Variants in ALMS1 observed in about 807,000 individuals in gnomAD.
ALMS1 encodes ALMS1 centrosome and basal body associated protein.
Under a neutral mutation model 352.2 loss-of-function variants are expected in ALMS1, and 271 were observed. That is an observed-to-expected ratio of 0.77 (90% CI 0.70 to 0.85). ALMS1 has a LOEUF of 0.85. ALMS1 is among the 40% of genes least tolerant of loss of function. The pLI is 0.00. For synonymous variants in ALMS1, 1,865 were observed against 1,761.2 expected (o/e 1.06, Z -1.48); for missense variants, 5,445 against 4,870.7 (o/e 1.12, Z -3.51).
rs199922877 is a variant in ALMS1, at chr2:73,449,619, C to G, written c.3092C>G (p.Thr1031Ser). 3.6e-4 allele frequency: 581 copies of G among 1,614,066 alleles called. 1 individual carries two copies. The highest frequency in any genetic ancestry group is 9.7e-4 in the South Asian group (88 of 91,070). The change falls in exon 8 of 23, where the codon ACT becomes AGT. Residue 1031 changes from threonine (T) to serine (S), a missense_variant. Physicochemically the swap from Thr to Ser is moderately conservative, Grantham distance 58. Transcript: ENST00000613296. ...ACTGAAAAGGCTCTGAAAGTTTCAA[C>G]TGGCCCTGGACCAGCTGACCAGAAG... ...YATEKALKVS[T>S]GPGPADQKTE...
chr2:73,483,095 T>C (rs1173303144), intron 9 of ALMS1, among the ~76,000 whole-genome samples: 1 of 148,428 alleles, frequency 6.7e-6, no homozygotes. Context: ...TGATTTTAGT[T>C]ATTTCTTGCC....
At chr2:73,387,685 A>T (rs1298090837) in intron 1 of ALMS1, among the ~76,000 whole-genome samples, 7 of 152,178 alleles carry the variant, frequency 4.6e-5, no homozygotes, top group African/African-American at 1.4e-4. Context: ...AAAATATTTG[A>T]AACGAGGGGA....
chr2:73,501,636 T>C (rs1478420822), intron 10 of ALMS1, among the ~76,000 whole-genome samples: 1 of 152,176 alleles, frequency 6.6e-6, no homozygotes, highest in Non-Finnish European at 1.5e-5. Flanking sequence ...GTTTCTACTC[T>C]GTTTCTTTGT....
At chr2:73,507,151 C>G (rs1451088938) in intron 10 of ALMS1, among the ~76,000 whole-genome samples, 1 of 151,956 alleles carries the variant, frequency 6.6e-6, no homozygotes, top group Non-Finnish European at 1.5e-5. Context: ...GGTGGATAAG[C>G]TTTTGAATGT....
At chr2:73,514,136 A>G (rs976954362) in intron 10 of ALMS1, among the ~76,000 whole-genome samples, 3 of 152,118 alleles carry the variant, frequency 2.0e-5, no homozygotes, top group Non-Finnish European at 2.9e-5. Flanking sequence ...TCACTTGTCA[A>G]TGTCATATGG....
At chr2:73,597,853 C>T (rs1196852583) in intron 16 of ALMS1, among the ~76,000 whole-genome samples, 5 of 151,944 alleles carry the variant, frequency 3.3e-5, no homozygotes, top group Non-Finnish European at 7.4e-5. Flanking sequence ...TTACAATTGC[C>T]CCTACTAAAC....
intron 9 of ALMS1, chr2:73,456,981 G>A (rs1672079183): frequency 6.6e-6 from 1 of 152,010 alleles, no homozygotes; most frequent in Non-Finnish European, 1.5e-5. Context: ...AAAATAAGGT[G>A]TCCTGAATTA....
At chr2:73,461,786 G>A (rs1194886688) in intron 9 of ALMS1, among the ~76,000 whole-genome samples, 4 of 152,194 alleles carry the variant, frequency 2.6e-5, no homozygotes, top group Non-Finnish European at 4.4e-5. Flanking sequence ...AAAAGCAAAG[G>A]CGCGAGAACC....
intron 7 of ALMS1, among the ~76,000 whole-genome samples, chr2:73,434,995 G>T (rs1671579809): frequency 6.6e-6 from 1 of 152,066 alleles, no homozygotes; most frequent in Non-Finnish European, 1.5e-5. Context: ...GTTATAAATT[G>T]TTCCTCCATA....
At chr2:73,445,370 A>G (rs1558646506) in intron 7 of ALMS1, among the ~76,000 whole-genome samples, 1 of 152,124 alleles carries the variant, frequency 6.6e-6, no homozygotes, top group South Asian at 2.1e-4. Flanking sequence ...TGTACCCATT[A>G]ACCATCCTCC....
chr2:73,503,825 T>G (rs1309277866), intron 10 of ALMS1, among the ~76,000 whole-genome samples: 2 of 152,310 alleles, frequency 1.3e-5, no homozygotes, highest in African/African-American at 4.8e-5. Flanking sequence ...AGGTTGTGGC[T>G]GTTAGGTACC....
At chr2:73,574,250 T>C (rs1483215084) in intron 16 of ALMS1, among the ~76,000 whole-genome samples, 1 of 152,136 alleles carries the variant, frequency 6.6e-6, no homozygotes, top group Non-Finnish European at 1.5e-5. Context: ...TTTAGGGTGT[T>C]AATAAGGGAG....
chr2:73,533,208 C>T (rs977737443), intron 11 of ALMS1, among the ~76,000 whole-genome samples: 9 of 152,220 alleles, frequency 5.9e-5, no homozygotes, highest in Non-Finnish European at 1.5e-5. Flanking sequence ...GCAAGTGCTT[C>T]CCTTGGCCAT....
At chr2:73,468,492 T>C (rs976951897) in intron 9 of ALMS1, among the ~76,000 whole-genome samples, 4 of 152,044 alleles carry the variant, frequency 2.6e-5, no homozygotes, top group African/African-American at 9.7e-5. Context: ...TCTCCAAGAC[T>C]CTTTTCATCT....
intron 1 of ALMS1, among the ~76,000 whole-genome samples, chr2:73,399,186 GCAAA>G (rs1227331785): frequency 6.6e-6 from 1 of 152,122 alleles, no homozygotes; most frequent in Non-Finnish European, 1.5e-5. Context: ...CATGTCATCT[GCAAA>G]CAGAGTTTTA....
At position 73,385,924 on chromosome 2, in the gene ALMS1, AGG is replaced by A. The variant is rs767882166; in HGVS notation, c.57_58del (p.Glu20GlyfsTer106). 3.1e-4 allele frequency: 301 copies of A among 975,484 alleles called. 2 individuals are homozygous for A. The Middle Eastern group carries it at 3.1e-3, about 10-fold the overall frequency. The allele number at this position is 975,484 out of a possible 1,614,324, so 60.4% of individuals were successfully genotyped here. On this transcript the variant is annotated frameshift_variant, in exon 1 of 23. Transcript: ENST00000613296. LOFTEE classifies it high-confidence loss of function. ...GAGCTGGAGGAGGAGGAGGAGGAGG[AGG>A]AGGAGGAGGAGGAGGAAGAGGAGGA...
intron 12 of ALMS1, among the ~76,000 whole-genome samples, chr2:73,535,261 T>TA (rs1480082748): frequency 6.6e-6 from 1 of 152,180 alleles, no homozygotes; most frequent in African/African-American, 2.4e-5. Flanking sequence ...TTTCTCCGCT[T>TA]TATATATAAT....
chr2:73,550,132 T>G, intron 12 of ALMS1, 135 bp from the exon 13 acceptor site: 2 of 851,392 alleles, frequency 2.3e-6, no homozygotes, highest in Non-Finnish European at 3.6e-6. Flanking sequence ...AGTGCTGGGA[T>G]TACAGGCATG....
chr2:73,464,648 C>G (rs13027570), intron 9 of ALMS1, among the ~76,000 whole-genome samples: 86,379 of 151,808 alleles, frequency 0.57, 25,921 homozygotes, highest in East Asian at 0.77. Flanking sequence ...AAAAGAGGAA[C>G]TCAAATTGTC....
Sources: allele counts gnomAD v4.1 joint callset (sites outside exome capture counted in the v4.1 genomes callset), GRCh38; gene constraint gnomAD v4.1.1; transcripts MANE v1.5; gene names NCBI Gene and HGNC (gene_info 2026-07-23, HGNC 2026-07-21).